The following SHISA9 variants were observed in gnomAD, a reference collection of about 807,000 sequenced individuals.
SHISA9 encodes the protein protein shisa-9.
In SHISA9, 13 loss-of-function variants were observed where a neutral mutation model predicts 38.0. The observed-to-expected ratio is 0.34, with a 90% CI of 0.22 to 0.54. SHISA9 has a LOEUF of 0.54. Among genes scored for constraint, SHISA9 ranks in the 20% least tolerant of loss-of-function variants. The pLI is 0.91. For missense variants in SHISA9, 538 were observed against 575.8 expected, an observed-to-expected ratio of 0.93 and a Z score of 0.67; for synonymous variants, 275 against 242.0, an observed-to-expected ratio of 1.14 and a Z score of -1.27.
At chr16:12,961,909 C>T (rs34976840) in intron 2 of SHISA9, among the ~76,000 whole-genome samples, 29,338 of 152,196 alleles carry the variant, frequency 0.19, 3,482 homozygotes, top group Middle Eastern at 0.35. Flanking sequence ...TCACACCTTC[C>T]AGTCTTCCAG....
intron 2 of SHISA9, among the ~76,000 whole-genome samples, chr16:13,150,804 C>T (rs537848024): frequency 6.6e-6 from 1 of 152,292 alleles, no homozygotes; most frequent in African/African-American, 2.4e-5. Flanking sequence ...TGGGATTCAA[C>T]CATGACCATG....
the SHISA9 span, among the ~76,000 whole-genome samples, chr16:13,260,788 C>T: frequency 6.6e-6 from 1 of 152,142 alleles, no homozygotes; most frequent in Non-Finnish European, 1.5e-5. Context: ...CAGCAGCGCC[C>T]CCCTTTACTG....
At chr16:13,410,116 G>A in the SHISA9 span, among the ~76,000 whole-genome samples, 1 of 152,210 alleles carries the variant, frequency 6.6e-6, no homozygotes, top group African/African-American at 2.4e-5. Flanking sequence ...ATTGCTGCAA[G>A]CAAAGCAGTG....
At chr16:13,430,232 C>T in the SHISA9 span, among the ~76,000 whole-genome samples, 1 of 152,192 alleles carries the variant, frequency 6.6e-6, no homozygotes, top group Non-Finnish European at 1.5e-5. Flanking sequence ...CTTAAGGCAG[C>T]CCCTAACTGA....
Position 12,902,206 on chromosome 16 carries a change from G to T in SHISA9, c.142G>T (p.Gly48Trp). The change falls in exon 1 of 5, where the codon GGG (glycine) becomes TGG (tryptophan). Residue 48 changes from glycine (G) to tryptophan (W), a missense_variant. Around this residue, in one of 4 missense-constraint regions of SHISA9, gnomAD observed 107 missense variants for 103.0 expected, o/e 1.04. Transcript: ENST00000558583. Reference protein sequence around the residue: ...VLLLAGGNRSGAASGEASEGA... With the variant: ...VLLLAGGNRSWAASGEASEGA... ...GCTGCTGGCGGGGGGCAACCGCTCC[G>T]GGGCCGCCTCCGGAGAGGCCAGCGA... The T allele has an allele frequency of 6.5e-6, 10 of 1,531,310 alleles. No homozygotes were observed. The highest frequency in any genetic ancestry group is 7.9e-6 in the Non-Finnish European group (9 of 1,143,714). 94.9% of individuals were successfully genotyped at this position (1,531,310 alleles called of 1,614,324 possible). A position where few individuals can be genotyped will look rare whatever the true frequency, so the allele number is the denominator to read the frequency against.
chr16:13,401,965 C>T, the SHISA9 span, among the ~76,000 whole-genome samples: 16 of 152,212 alleles, frequency 1.1e-4, no homozygotes, highest in Admixed American at 3.3e-4. Context: ...TCCCATATCA[C>T]GAGAACAGCA....
At chr16:13,265,207 C>T in the SHISA9 span, among the ~76,000 whole-genome samples, 1 of 124,912 alleles carries the variant, frequency 8.0e-6, no homozygotes, top group Non-Finnish European at 1.7e-5. Context: ...CCCTTTCCCT[C>T]CACTTCTGTT....
the SHISA9 span, among the ~76,000 whole-genome samples, chr16:13,556,623 A>G: frequency 6.6e-6 from 1 of 152,086 alleles, no homozygotes; most frequent in African/African-American, 2.4e-5. Flanking sequence ...AGATCGCGCC[A>G]TTGCACTCCA....
intron 2 of SHISA9, among the ~76,000 whole-genome samples, chr16:12,978,827 G>T (rs2072201340): frequency 6.6e-6 from 1 of 152,176 alleles, no homozygotes. Flanking sequence ...ATGGATAGAA[G>T]GATAGATGAG....
chr16:13,551,890 G>A, the SHISA9 span, among the ~76,000 whole-genome samples: 34 of 152,184 alleles, frequency 2.2e-4, no homozygotes, highest in Non-Finnish European at 4.1e-4. Context: ...AGCCAGGCAA[G>A]GTTGCAGGTG....
intron 2 of SHISA9, among the ~76,000 whole-genome samples, chr16:12,994,425 G>A (rs576715783): frequency 1.5e-4 from 23 of 152,316 alleles, no homozygotes; most frequent in Non-Finnish European, 3.1e-4. Context: ...TTTGGTGATT[G>A]TAATATGAGC....
the SHISA9 span, among the ~76,000 whole-genome samples, chr16:13,379,948 TAAAGA>T: frequency 6.6e-6 from 1 of 152,126 alleles, no homozygotes; most frequent in African/African-American, 2.4e-5. Context: ...ATACCATAAA[TAAAGA>T]AATTTTGAGA....
chr16:13,350,611 C>T, the SHISA9 span: 1 of 152,248 alleles, frequency 6.6e-6, no homozygotes, highest in African/African-American at 2.4e-5. Context: ...CGCTTGGGAT[C>T]TTCAGGTGAG....
chr16:13,044,775 G>T (rs539620619), intron 2 of SHISA9, among the ~76,000 whole-genome samples: 8 of 152,182 alleles, frequency 5.3e-5, no homozygotes, highest in Non-Finnish European at 1.2e-4. Flanking sequence ...TGCCACACTG[G>T]TAGTTCTGAA....
chr16:12,963,420 G>A (rs560230523), intron 2 of SHISA9, among the ~76,000 whole-genome samples: 3 of 152,320 alleles, frequency 2.0e-5, no homozygotes, highest in East Asian at 3.9e-4. Flanking sequence ...TGACACAGAC[G>A]TAAATAACCA....
rs544522782 is a variant in SHISA9 at position 13,076,219 on chromosome 16, C to T, written c.692-127175C>T. Among the ~76,000 whole-genome samples the T allele has an allele frequency of 1.8e-4, 28 of 152,032 alleles. No homozygotes were observed. The Middle Eastern group carries it at 0.01, about 55-fold the overall frequency. On this transcript the variant is annotated intron_variant, in intron 2 of 4. Coordinates refer to ENST00000558583, the MANE Select transcript of SHISA9 (RefSeq NM_001145204.3). The stretch of plus-strand genomic sequence containing the variant: ...CTAAGTTTTGTATTTTTAGTAGAGA[C>T]GGGATTTCATCATGTTGGCCAGGCT...
intron 2 of SHISA9, among the ~76,000 whole-genome samples, chr16:13,037,181 G>A (rs1313120808): frequency 1.3e-5 from 2 of 149,896 alleles, no homozygotes; most frequent in African/African-American, 4.9e-5. Flanking sequence ...TTCTGAAAGC[G>A]GAAAGGACAT....
chr16:13,217,426 A>C (rs2051180986), intron 4 of SHISA9, among the ~76,000 whole-genome samples: 1 of 152,244 alleles, frequency 6.6e-6, no homozygotes, highest in South Asian at 2.1e-4. Flanking sequence ...ACTTAAGCCC[A>C]GTGCTACAGC....
chr16:12,924,616 A>G (rs2071370770), intron 2 of SHISA9, among the ~76,000 whole-genome samples: 2 of 152,274 alleles, frequency 1.3e-5, no homozygotes, highest in Admixed American at 1.3e-4. Flanking sequence ...ACTAAGAGTG[A>G]GGGGATGCTC....
Sources: gnomAD v4.1 joint callset for allele counts (sites outside exome capture counted in the v4.1 genomes callset) on GRCh38, gnomAD v4.1.1 for gene constraint, gnomAD v4.1.1 regional missense constraint, MANE v1.5 for transcripts, NCBI Gene and HGNC (gene_info 2026-07-23, HGNC 2026-07-21) for gene names.